Variants in GTF2A1 observed in about 807,000 individuals in gnomAD.
GTF2A1 encodes general transcription factor IIA subunit 1.
GTF2A1 carries 12 observed loss-of-function variants against 54.1 expected under a neutral mutation model. That is an observed-to-expected ratio of 0.22 (90% CI 0.14 to 0.36). The LOEUF (loss-of-function observed/expected upper bound fraction) is 0.36, where lower values mean the gene tolerates loss of function less well. Ranked by LOEUF, GTF2A1 falls within the 10% of genes least tolerant of loss-of-function variation. The pLI, the probability that GTF2A1 is intolerant of heterozygous loss-of-function variation, is 1.00. For synonymous variants in GTF2A1, 145 were observed against 152.0 expected (o/e 0.95, Z 0.34); for missense variants, 335 against 442.2 (o/e 0.76, Z 2.17).
intron 2 of GTF2A1, among the ~76,000 whole-genome samples, chr14:81,207,248 A>T (rs1037884635): frequency 6.6e-5 from 10 of 152,066 alleles, no homozygotes; most frequent in African/African-American, 1.9e-4. Flanking sequence ...ATCTCCCAGA[A>T]TTCCCATGTG....
At chr14:81,220,383 G>A (rs1323986828) in intron 1 of GTF2A1, 106 bp downstream of exon 1, 10 of 609,582 alleles carry the variant, frequency 1.6e-5, no homozygotes, top group Non-Finnish European at 2.4e-5. Flanking sequence ...CGCGCGGGCG[G>A]CTGAAGAGTC....
intron 2 of GTF2A1, among the ~76,000 whole-genome samples, chr14:81,206,319 T>G (rs2140033279): frequency 6.6e-6 from 1 of 152,294 alleles, no homozygotes; most frequent in Middle Eastern, 3.4e-3. Flanking sequence ...TGCATCTCTA[T>G]GACATGGCCC....
At chr14:81,204,475 G>C (rs1893186715) in intron 2 of GTF2A1, among the ~76,000 whole-genome samples, 1 of 151,862 alleles carries the variant, frequency 6.6e-6, no homozygotes, top group South Asian at 2.1e-4. Context: ...TTTTTATATG[G>C]AACTTTTTCC....
At chr14:81,201,070 T>C (rs944814530) in intron 4 of GTF2A1, among the ~76,000 whole-genome samples, 1 of 152,142 alleles carries the variant, frequency 6.6e-6, no homozygotes, top group African/African-American at 2.4e-5. Context: ...TCCTCAGAAA[T>C]ATAAAAATTC....
intron 3 of GTF2A1, chr14:81,202,588 C>T (rs937928918): frequency 6.1e-6 from 3 of 490,676 alleles, no homozygotes; most frequent in South Asian, 4.4e-5. Context: ...TGGTGGCCTC[C>T]TGAAAGCAGG....
At chr14:81,217,942 C>T (rs1893521402) in intron 1 of GTF2A1, among the ~76,000 whole-genome samples, 1 of 152,208 alleles carries the variant, frequency 6.6e-6, no homozygotes, top group South Asian at 2.1e-4. Flanking sequence ...TTGCCAAATC[C>T]GCCTCTTGAA....
intron 2 of GTF2A1, among the ~76,000 whole-genome samples, chr14:81,213,874 G>A (rs1220279237): frequency 7.1e-6 from 1 of 140,786 alleles, no homozygotes; most frequent in African/African-American, 2.7e-5. Context: ...ACAGAGTCTT[G>A]ATCTGTCACC....
intron 3 of GTF2A1, 106 bp downstream of exon 3, chr14:81,203,794 T>A: frequency 1.1e-6 from 1 of 922,388 alleles, no homozygotes; most frequent in East Asian, 2.4e-5. Context: ...AGGTTCTCCA[T>A]GTGCCCCTTA....
At chr14:81,211,137 G>C (rs903852417) in intron 2 of GTF2A1, among the ~76,000 whole-genome samples, 2 of 152,150 alleles carry the variant, frequency 1.3e-5, no homozygotes, top group African/African-American at 4.8e-5. Flanking sequence ...GCTTATTCAA[G>C]ATCACTCTAA....
intron 7 of GTF2A1, among the ~76,000 whole-genome samples, chr14:81,189,155 T>C (rs1892816346): frequency 1.3e-5 from 2 of 152,082 alleles, no homozygotes; most frequent in South Asian, 4.1e-4. Context: ...TCTAACAGTA[T>C]CATACAAACA....
chr14:81,201,592 A>G lies in GTF2A1; in HGVS notation c.402+2T>C. The G allele has an allele frequency of 6.4e-7, 1 of 1,555,434 alleles. No individual in the cohort carries two copies. The highest frequency in any genetic ancestry group is 8.9e-7 in the Non-Finnish European group (1 of 1,126,642). On this transcript the variant is annotated splice_donor_variant, in intron 4 of 8. Transcript: ENST00000553612. LOFTEE classifies it high-confidence loss of function. Reference sequence around the variant, plus strand: ...ATCAAACTGCTACATTCTGAGTCTTACCATGTTTGATGCATTCATATGCTG... The same window carrying G: ...ATCAAACTGCTACATTCTGAGTCTTGCCATGTTTGATGCATTCATATGCTG...
chr14:81,187,151 G>A lies in GTF2A1; in HGVS notation c.934-1531C>T, dbSNP rs190031752. Among the ~76,000 whole-genome samples, 1,494 of 151,928 alleles carry A rather than the reference G, an allele frequency of 9.8e-3. 28 individuals are homozygous for A. The highest frequency in any genetic ancestry group is 0.034 in the African/African-American group (1,408 of 41,440). ...AGGCAGATCACGAGGTCAGGAGATCGAGACCATCCTGGCTAACACGGTGAA... is the reference window on the plus strand; with the variant it reads ...AGGCAGATCACGAGGTCAGGAGATCAAGACCATCCTGGCTAACACGGTGAA... On this transcript the variant is annotated intron_variant, in intron 7 of 8. Transcript: ENST00000553612.
rs1185608560 is a variant in GTF2A1 at position 81,177,314 on chromosome 14, A to G, written c.*2909T>C. The G allele has an allele frequency of 1.3e-5, 2 of 152,136 alleles. No individual in the cohort carries two copies. Among genetic ancestry groups the G allele is most frequent in the African/African-American group, 4.8e-5 (2 of 41,466 alleles). The allele number at this position is 152,136 out of a possible 1,614,324, so 9.4% of individuals were successfully genotyped here. On this transcript the variant is annotated 3_prime_UTR_variant, in exon 9 of 9. Coordinates refer to ENST00000553612, the MANE Select transcript of GTF2A1 (RefSeq NM_015859.4). ...TTTAAAAAATAGAAAAGCCCAACAT[A>G]AAGATCCCCCTCACATAACAGACAT... is the stretch of plus-strand genomic sequence containing the variant.
chr14:81,187,373 C>A (rs909424141), intron 7 of GTF2A1, among the ~76,000 whole-genome samples: 2 of 149,930 alleles, frequency 1.3e-5, no homozygotes, highest in African/African-American at 5.0e-5. Flanking sequence ...AAAAAAAAAT[C>A]TCTGAGGTAA....
At chr14:81,191,001 T>C (rs1186142826) in intron 7 of GTF2A1, among the ~76,000 whole-genome samples, 1 of 152,162 alleles carries the variant, frequency 6.6e-6, no homozygotes, top group African/African-American at 2.4e-5. Context: ...CAAGAAGCAC[T>C]GAAACTATGA....
intron 2 of GTF2A1, among the ~76,000 whole-genome samples, chr14:81,211,897 AT>A (rs1893377666): frequency 7.1e-6 from 1 of 141,556 alleles, no homozygotes; most frequent in Non-Finnish European, 1.5e-5. Context: ...ATATATATAT[AT>A]ATATATATAT....
chr14:81,202,060 C>T (rs1347827805), intron 3 of GTF2A1, among the ~76,000 whole-genome samples: 1 of 151,684 alleles, frequency 6.6e-6, no homozygotes, highest in African/African-American at 2.4e-5. Flanking sequence ...AACTCCGGAA[C>T]TGGAGGTTGC....
chr14:81,215,681 A>T (rs917877598), intron 2 of GTF2A1, among the ~76,000 whole-genome samples: 7 of 152,236 alleles, frequency 4.6e-5, no homozygotes, highest in Admixed American at 4.6e-4. Flanking sequence ...TTTATCAAGC[A>T]CTTAATCCCT....
chr14:81,184,715 G>A (rs1177109860), intron 8 of GTF2A1, among the ~76,000 whole-genome samples: 1 of 151,968 alleles, frequency 6.6e-6, no homozygotes, highest in East Asian at 1.9e-4. Context: ...ACATCGCCAG[G>A]GCCTAGAATA....
Sources: gnomAD v4.1 joint callset for allele counts (sites outside exome capture counted in the v4.1 genomes callset) on GRCh38, gnomAD v4.1.1 for gene constraint, MANE v1.5 for transcripts, NCBI Gene and HGNC (gene_info 2026-07-23, HGNC 2026-07-21) for gene names.